DOK7: variants seen among roughly 807,000 people sequenced by gnomAD.
DOK7 encodes protein Dok-7.
DOK7 carries 32 observed loss-of-function variants against 30.7 expected under a neutral mutation model. The observed-to-expected ratio is 1.04, with a 90% confidence interval of 0.79 to 1.40. DOK7 has a LOEUF of 1.40. Ranked by LOEUF, DOK7 falls within the 40% of genes most tolerant of loss-of-function variation. The pLI is 0.00. For missense variants in DOK7, 1,007 were observed against 699.2 expected, an observed-to-expected ratio of 1.44 and a Z score of -4.97; for synonymous variants, 447 against 324.1, an observed-to-expected ratio of 1.38 and a Z score of -4.07.
chr4:3,497,768 G>C (rs376644014), downstream of DOK7, among the ~76,000 whole-genome samples: 9 of 152,182 alleles, frequency 5.9e-5, no homozygotes, highest in African/African-American at 2.2e-4. Flanking sequence ...AGGCAGGCAG[G>C]GGCAGCTTGG....
downstream of DOK7, among the ~76,000 whole-genome samples, chr4:3,498,116 C>A (rs1202580071): frequency 6.6e-6 from 1 of 152,108 alleles, no homozygotes; most frequent in African/African-American, 2.4e-5. Context: ...CGTCGGGCTG[C>A]CAGCCCAGGG....
chr4:3,476,259 C>CCG, intron 3 of DOK7, 83 bp from the exon 4 acceptor site: 12 of 991,444 alleles, frequency 1.2e-5, no homozygotes, highest in South Asian at 1.6e-5. Flanking sequence ...CCCACCCGCC[C>CCG]GTGATGCCCT....
At chr4:3,495,847 C>T (rs955882675), downstream of DOK7, among the ~76,000 whole-genome samples, 2 of 152,142 alleles carry the variant, frequency 1.3e-5, no homozygotes, top group Non-Finnish European at 2.9e-5. Flanking sequence ...ATGTGATGAG[C>T]TCAGGGGGTG....
chr4:3,471,692 C>T (rs930937299), intron 2 of DOK7, among the ~76,000 whole-genome samples: 4 of 152,358 alleles, frequency 2.6e-5, no homozygotes, highest in East Asian at 1.9e-4. Context: ...CCGATTACGC[C>T]GCTGTGTTTG....
chr4:3,467,404 C>T (rs1354465930), intron 2 of DOK7, among the ~76,000 whole-genome samples: 1 of 151,648 alleles, frequency 6.6e-6, no homozygotes, highest in Non-Finnish European at 1.5e-5. Context: ...TGTGCATCGC[C>T]GCCCGGTGTC....
rs769151997 is a variant in DOK7 at position 3,487,708 on chromosome 4, C to T, written c.653-1969C>T. Among the ~76,000 whole-genome samples, 11 of 152,138 alleles carry T rather than the reference C, an allele frequency of 7.2e-5. No homozygotes were observed. In the East Asian group the frequency reaches 1.4e-3, roughly 19 times the overall value. On this transcript the variant is annotated intron_variant, in intron 5 of 6. Coordinates refer to ENST00000340083, the MANE Select transcript of DOK7 (RefSeq NM_173660.5). ...CGTGTGGTGGAGCTGGGAGTCGATC[C>T]GTGTCTTGCTGGCCCACCAGTTACT...
At chr4:3,496,752 G>A, downstream of DOK7, 1 of 1,513,366 alleles carries the variant, frequency 6.6e-7, no homozygotes, top group Non-Finnish European at 8.8e-7. Context: ...CTTGTTCTCG[G>A]TGGCCCCCCG....
chr4:3,475,632 C>T (rs574125283), intron 3 of DOK7, among the ~76,000 whole-genome samples: 46 of 152,252 alleles, frequency 3.0e-4, no homozygotes, highest in Non-Finnish European at 4.4e-4. Context: ...GAGAGAGGGC[C>T]GGTGGTGCCC....
intron 5 of DOK7, among the ~76,000 whole-genome samples, chr4:3,487,664 G>C (rs1245963244): frequency 6.6e-6 from 1 of 152,224 alleles, no homozygotes; most frequent in Admixed American, 6.5e-5. Context: ...TTGCAGACGA[G>C]GGTGAGAGGC....
chr4:3,471,621 C>T (rs1437689527), intron 2 of DOK7, among the ~76,000 whole-genome samples: 1 of 152,266 alleles, frequency 6.6e-6, no homozygotes, highest in East Asian at 1.9e-4. Flanking sequence ...TGTTCCCACA[C>T]ACCGTCATTT....
In DOK7 at chr4:3,480,756, T is replaced by C. The variant is rs149546560; in HGVS notation, c.532+4214T>C. Among the ~76,000 whole-genome samples, 278 of 152,390 alleles carry C rather than the reference T, an allele frequency of 1.8e-3. 2 individuals carry two copies. Among genetic ancestry groups the C allele is most frequent in the Non-Finnish European group, 3.2e-3 (215 of 68,038 alleles). ...GCCTGGACAGAGCTGGCTGGAACCCTGGCCTCTGTCAGGCAGCAGGGAGCG... is the reference window on the plus strand; with the variant it reads ...GCCTGGACAGAGCTGGCTGGAACCCCGGCCTCTGTCAGGCAGCAGGGAGCG... On this transcript the variant is annotated intron_variant, in intron 4 of 6. Coordinates refer to ENST00000340083, the MANE Select transcript of DOK7 (RefSeq NM_173660.5).
At chr4:3,491,444 T>TTCTTCTCTCCCTACTCA (rs1728435617) in intron 6 of DOK7, among the ~76,000 whole-genome samples, 1 of 127,414 alleles carries the variant, frequency 7.8e-6, no homozygotes, top group Admixed American at 9.0e-5. Context: ...ATTCATTTCT[T>TTCTTCTCTCCCTACTCA]TCTTCTCTCC....
chr4:3,488,438 G>T (rs1358973017), intron 5 of DOK7, among the ~76,000 whole-genome samples: 3 of 152,246 alleles, frequency 2.0e-5, no homozygotes, highest in Non-Finnish European at 4.4e-5. Flanking sequence ...CAGCCTAGAT[G>T]TGAACCTGGA....
downstream of DOK7, among the ~76,000 whole-genome samples, chr4:3,497,373 C>T (rs1419764435): frequency 2.0e-5 from 3 of 151,906 alleles, no homozygotes; most frequent in Admixed American, 2.0e-4. Flanking sequence ...GGCATTGGTG[C>T]CCTGGCAGGT....
chr4:3,478,538 C>T (rs1727254932), intron 4 of DOK7, among the ~76,000 whole-genome samples: 1 of 78,100 alleles, frequency 1.3e-5, no homozygotes, highest in Non-Finnish European at 2.5e-5. Flanking sequence ...ACCGGGCTGG[C>T]CCCACAGAAC....
In DOK7 at chr4:3,463,551, G is replaced by A; in HGVS notation, c.100G>A (p.Asp34Asn). 6.6e-7 allele frequency: 1 copy of A among 1,517,178 alleles called. No individual in the cohort carries two copies. Among genetic ancestry groups the A allele is most frequent in the Non-Finnish European group, 8.8e-7 (1 of 1,135,838 alleles). 94.0% of individuals were successfully genotyped at this position (1,517,178 alleles called of 1,614,324 possible). A position where few individuals can be genotyped will look rare whatever the true frequency, so the allele number is the denominator to read the frequency against. Reference sequence around the variant, plus strand: ...GCTGCGGAAGCCGTCGCCCGTGGCAGGTGAGCGGGGCGGGCGGGGGACGGG... The same window carrying A: ...GCTGCGGAAGCCGTCGCCCGTGGCAAGTGAGCGGGGCGGGCGGGGGACGGG... The part of the protein sequence containing the change: ...LVLRKPSPVA[D>N]CLLMLVYKDK... Residue 34 changes from aspartate (D) to asparagine (N), a missense_variant and splice_region_variant, in exon 2 of 7, where the codon GAC (aspartate) becomes AAC (asparagine). By Grantham distance (23) the Asp-to-Asn change is conservative. Coordinates refer to ENST00000340083, the MANE Select transcript of DOK7 (RefSeq NM_173660.5).
At chr4:3,465,832 G>C (rs1726232651) in intron 2 of DOK7, among the ~76,000 whole-genome samples, 1 of 152,250 alleles carries the variant, frequency 6.6e-6, no homozygotes, top group South Asian at 2.1e-4. Context: ...GGGCCCCGGG[G>C]GAGGAGGGTG....
intron 2 of DOK7, among the ~76,000 whole-genome samples, chr4:3,463,968 G>T (rs983947615): frequency 2.0e-5 from 3 of 152,204 alleles, no homozygotes; most frequent in African/African-American, 7.2e-5. Context: ...CCCCTCCCAG[G>T]CAGACGAGAG....
intron 5 of DOK7, among the ~76,000 whole-genome samples, chr4:3,486,986 G>A (rs552436621): frequency 6.6e-6 from 1 of 152,250 alleles, no homozygotes; most frequent in East Asian, 1.9e-4. Context: ...GGGTTTGCCT[G>A]GGACAGCCAC....
Sources: gnomAD v4.1 joint callset for allele counts (sites outside exome capture counted in the v4.1 genomes callset) on GRCh38, gnomAD v4.1.1 for gene constraint, MANE v1.5 for transcripts, NCBI Gene and HGNC (gene_info 2026-07-23, HGNC 2026-07-21) for gene names.